SPTB: variants seen among roughly 807,000 people sequenced by gnomAD.
SPTB encodes the protein spectrin beta, erythrocytic.
A neutral mutation model predicts 256.2 loss-of-function variants in SPTB; 45 were observed. That is an observed-to-expected ratio of 0.18 (90% CI 0.14 to 0.23). The LOEUF is 0.23. Ranked by LOEUF, SPTB falls within the 10% of genes least tolerant of loss-of-function variation. The pLI is 1.00. For synonymous variants in SPTB, 1,231 were observed against 1,243.1 expected, an observed-to-expected ratio of 0.99 and a Z score of 0.21; for missense variants, 2,715 against 3,040.4, an observed-to-expected ratio of 0.89 and a Z score of 2.52.
chr14:64,765,805 G>GGT (rs71444677), intron 32 of SPTB, among the ~76,000 whole-genome samples: 37 of 149,140 alleles, frequency 2.5e-4, no homozygotes, highest in Non-Finnish European at 3.1e-4. Context: ...GAGTGATTGG[G>GGT]GTGTGTGTGT....
intron 6 of SPTB, 106 bp from the exon 7 acceptor site, chr14:64,801,506 G>A: frequency 1.1e-6 from 1 of 915,474 alleles, no homozygotes; most frequent in Non-Finnish European, 1.8e-6. Flanking sequence ...AGGTGGTCAG[G>A]CAGGAGGAGT....
At position 64,807,533 on chromosome 14, in the gene SPTB, G is replaced by A. The variant is rs773947519; in HGVS notation, c.149-2443C>T. 1.6e-4 allele frequency among the ~76,000 whole-genome samples: 25 copies of A among 152,236 alleles called. No individual in the cohort carries two copies. The highest frequency in any genetic ancestry group is 3.2e-3 in the Middle Eastern group (1 of 316). ...CTGCCTTTTATTTGAAGGCTGGAGT[G>A]AAATCACCCAGAATCCCCAGAGCCC... On this transcript the variant is annotated intron_variant, in intron 2 of 35. Transcript: ENST00000644917. This position sits in a 1 kb window ranked among gnomAD's most constrained non-coding sequence, Gnocchi z 4.7.
chr14:64,787,964 C>T (rs1226989284), intron 15 of SPTB, among the ~76,000 whole-genome samples: 4 of 152,232 alleles, frequency 2.6e-5, no homozygotes, highest in African/African-American at 9.6e-5. Flanking sequence ...TCGAACCCAT[C>T]TTTCTCGAAC....
chr14:64,751,099 A>AAT (rs1001490559), intron 33 of SPTB, among the ~76,000 whole-genome samples: 1 of 146,194 alleles, frequency 6.8e-6, no homozygotes, highest in South Asian at 2.1e-4. Context: ...TATTATACAT[A>AAT]ATATATATAA....
In SPTB at chr14:64,802,445, G is replaced by T. The variant is rs2082904234; in HGVS notation, c.475-128C>A. 5 of 875,062 alleles carry T rather than the reference G, an allele frequency of 5.7e-6. No homozygotes were observed. Among genetic ancestry groups the T allele is most frequent in the Non-Finnish European group, 7.4e-6 (4 of 538,664 alleles). 54.2% of individuals were successfully genotyped at this position (875,062 alleles called of 1,614,324 possible). ...ACACTAATTCATCCTTTAAGAGCCA[G>T]TATAAATGGCGCTTGGGTTGGGTCT... is the stretch of plus-strand genomic sequence containing the variant. On this transcript the variant is annotated intron_variant, in intron 4 of 35. Coordinates refer to ENST00000644917, the MANE Select transcript of SPTB (RefSeq NM_001355436.2). The surrounding 1 kb of genome is among the most constrained non-coding windows in gnomAD (Gnocchi z 5.1).
chr14:64,763,964 G>A (rs1399728338), intron 32 of SPTB: 1 of 494,068 alleles, frequency 2.0e-6, no homozygotes, highest in Non-Finnish European at 4.1e-6. Flanking sequence ...GTCCAGACAG[G>A]AGCAGGGGTG....
At chr14:64,821,746 G>A (rs2083291100) in intron 2 of SPTB, among the ~76,000 whole-genome samples, 2 of 152,204 alleles carry the variant, frequency 1.3e-5, no homozygotes, top group Admixed American at 1.3e-4. Context: ...TAAAGAGCAA[G>A]GACACCAGGG....
At chr14:64,801,198 A>C in intron 7 of SPTB, 87 bp downstream of exon 7, 1 of 1,207,358 alleles carries the variant, frequency 8.3e-7, no homozygotes, top group South Asian at 1.3e-5. Flanking sequence ...GCCGGCCTCC[A>C]GAAGTCCTGG....
intron 15 of SPTB, among the ~76,000 whole-genome samples, chr14:64,788,965 T>A (rs1029024311): frequency 6.6e-6 from 1 of 152,198 alleles, no homozygotes; most frequent in South Asian, 2.1e-4. Flanking sequence ...AAACCTTAGT[T>A]TTTTCCCAGT....
At chr14:64,791,879 T>C in intron 14 of SPTB, 23 bp from the exon 15 acceptor site, 2 of 1,614,014 alleles carry the variant, frequency 1.2e-6, no homozygotes, top group Non-Finnish European at 1.7e-6. Context: ...AAGGAAAATA[T>C]GAGGATGGGT....
chr14:64,802,352 A>G lies in SPTB; in HGVS notation c.475-35T>C. 1.2e-6 allele frequency: 2 copies of G among 1,603,628 alleles called. No homozygotes were observed. Among genetic ancestry groups the G allele is most frequent in the East Asian group, 2.2e-5 (1 of 44,728 alleles). On this transcript the variant is annotated intron_variant, in intron 4 of 35. Coordinates refer to ENST00000644917, the MANE Select transcript of SPTB (RefSeq NM_001355436.2). This position sits in a 1 kb window ranked among gnomAD's most constrained non-coding sequence, Gnocchi z 5.1. ...GCAGAACAAGAGAGATTTGAAGAGG[A>G]TGTGCATCTGGATCTGTGCTTTCCT...
chr14:64,801,223 T>C (rs762802405), intron 7 of SPTB, 62 bp downstream of exon 7: 275 of 1,436,764 alleles, frequency 1.9e-4, no homozygotes, highest in Non-Finnish European at 2.5e-4. Context: ...TGAGCTCCTC[T>C]AGCACAGCGA....
chr14:64,806,139 G>A lies in SPTB; in HGVS notation c.149-1049C>T, dbSNP rs2285005. On this transcript the variant is annotated intron_variant, in intron 2 of 35. Transcript: ENST00000644917. The surrounding 1 kb of genome is among the most constrained non-coding windows in gnomAD (Gnocchi z 4.1). ...GAAGACTGGGATGGCACAAAAAAAA[G>A]AGAGAGAAAAGGATAGAGGAGGGGA... Among the ~76,000 whole-genome samples the A allele has an allele frequency of 0.43, 64,711 of 150,232 alleles. 15,272 individuals carry two copies. Among genetic ancestry groups the A allele is most frequent in the African/African-American group, 0.63 (25,688 of 40,538 alleles).
At chr14:64,768,958 T>C (rs887571127) in intron 29 of SPTB, 76 bp downstream of exon 29, 16 of 1,191,412 alleles carry the variant, frequency 1.3e-5, no homozygotes, top group Admixed American at 1.7e-5. Flanking sequence ...AATCCACCCA[T>C]TGTGGCACCT....
chr14:64,782,326 G>T lies in SPTB; in HGVS notation c.4230C>A (p.Asp1410Glu), dbSNP rs778846532. 2 of 1,614,194 alleles carry T rather than the reference G, an allele frequency of 1.2e-6. No homozygotes were observed. The highest frequency in any genetic ancestry group is 1.7e-6 in the Non-Finnish European group (2 of 1,180,048). Residue 1410 changes from aspartate (D) to glutamate (E), a missense_variant, in exon 20 of 36, where the codon GAC becomes GAA. By Grantham distance (45) the Asp-to-Glu change is conservative (BLOSUM62 2). Coordinates refer to ENST00000644917, the MANE Select transcript of SPTB (RefSeq NM_001355436.2). ...DQLRSDDPGK[D>E]LTSVNRMLAK... ...CCAACATCCGATTGACACTGGTCAG[G>T]TCCTTGCCCGGGTCGTCTGACCGCA...
chr14:64,810,537 G>A (rs1242471779), intron 2 of SPTB, among the ~76,000 whole-genome samples: 5 of 152,004 alleles, frequency 3.3e-5, no homozygotes, highest in Non-Finnish European at 4.4e-5. Flanking sequence ...AAAATTAGCC[G>A]GGCATGGTGT....
rs1428436998 is a variant in SPTB, at chr14:64,785,691, G to T, written c.3764+58C>A. 1.2e-6 allele frequency: 2 copies of T among 1,613,462 alleles called. No homozygotes were observed. The highest frequency in any genetic ancestry group is 1.7e-6 in the Non-Finnish European group (2 of 1,179,482). Reference sequence around the variant, plus strand: ...AGCTTGGGGTCCTCACCAAGCTTGGGGTCCTCACTACCCCCGTGTGGCTCT... The same window carrying T: ...AGCTTGGGGTCCTCACCAAGCTTGGTGTCCTCACTACCCCCGTGTGGCTCT... On this transcript the variant is annotated intron_variant, in intron 17 of 35. Coordinates refer to ENST00000644917, the MANE Select transcript of SPTB (RefSeq NM_001355436.2). The surrounding 1 kb of genome is among the most constrained non-coding windows in gnomAD (Gnocchi z 4.4).
intron 2 of SPTB, among the ~76,000 whole-genome samples, chr14:64,808,263 T>C (rs1301597824): frequency 1.3e-5 from 2 of 152,188 alleles, no homozygotes; most frequent in African/African-American, 4.8e-5. Flanking sequence ...CCACCTGTCT[T>C]GACCTCTCAA....
rs193223590 is a variant in SPTB, at chr14:64,752,758, G to T, written c.6602+779C>A. On this transcript the variant is annotated intron_variant, in intron 33 of 35. Coordinates refer to ENST00000644917, the MANE Select transcript of SPTB (RefSeq NM_001355436.2). ...CTTTTTGGAATTTGGAATCCCTTTC[G>T]TGAGTCCCCCAGACACATCCTGCAT... is the stretch of plus-strand genomic sequence containing the variant. 6.2e-4 allele frequency among the ~76,000 whole-genome samples: 94 copies of T among 152,224 alleles called. 1 individual carries two copies. Among genetic ancestry groups the T allele is most frequent in the Non-Finnish European group, 2.1e-4 (14 of 68,020 alleles).
Sources: gnomAD v4.1 joint callset for allele counts (sites outside exome capture counted in the v4.1 genomes callset) on GRCh38, gnomAD v4.1.1 for gene constraint, Gnocchi (gnomAD v3.1) non-coding constraint, MANE v1.5 for transcripts, NCBI Gene and HGNC (gene_info 2026-07-23, HGNC 2026-07-21) for gene names.